The following PTPRK variants were observed in gnomAD, a reference collection of about 807,000 sequenced individuals.
The protein encoded by PTPRK is protein tyrosine phosphatase receptor type K, also known as receptor-type tyrosine-protein phosphatase kappa.
In PTPRK, 75 loss-of-function variants were observed where a neutral mutation model predicts 178.0. That is an observed-to-expected ratio of 0.42 (90% CI 0.35 to 0.51). The LOEUF (loss-of-function observed/expected upper bound fraction) is 0.51. Among genes scored for constraint, PTPRK ranks in the 20% least tolerant of loss-of-function variants. PTPRK has a pLI of 0.02. For synonymous variants in PTPRK, 637 were observed against 620.6 expected (o/e 1.03, Z -0.39); for missense variants, 1,441 against 1,797.8 (o/e 0.80, Z 3.59).
chr6:128,449,802 A>ACT (rs1847521333), intron 1 of PTPRK, among the ~76,000 whole-genome samples: 1 of 152,096 alleles, frequency 6.6e-6, no homozygotes, highest in Non-Finnish European at 1.5e-5. Context: ...CAGACAAAGA[A>ACT]CTCTATAAGC....
At chr6:128,041,130 T>C (rs1049205821) in intron 13 of PTPRK, among the ~76,000 whole-genome samples, 2 of 152,106 alleles carry the variant, frequency 1.3e-5, no homozygotes, top group Non-Finnish European at 2.9e-5. Context: ...GTAAGATCAA[T>C]AGGGGTTACA....
intron 7 of PTPRK, among the ~76,000 whole-genome samples, chr6:128,119,939 T>C (rs780134127): frequency 7.9e-5 from 12 of 151,986 alleles, no homozygotes; most frequent in Non-Finnish European, 1.3e-4. Context: ...CACAAAATAG[T>C]TCCTATCCTT....
intron 2 of PTPRK, among the ~76,000 whole-genome samples, chr6:128,385,952 G>T: frequency 6.6e-6 from 1 of 152,066 alleles, no homozygotes; most frequent in Non-Finnish European, 1.5e-5. Flanking sequence ...TAAATAATTA[G>T]TTAAATATAA....
In PTPRK at chr6:128,413,124, A is replaced by C. The variant is rs1034394362; in HGVS notation, c.101-15436T>G. ...AGTTTACTAGAACCAGCTATTTGAGAATATCTGTATTTAAGCCCGCCTACA... is the reference window on the plus strand; with the variant it reads ...AGTTTACTAGAACCAGCTATTTGAGCATATCTGTATTTAAGCCCGCCTACA... On this transcript the variant is annotated intron_variant, in intron 1 of 29. Transcript: ENST00000368226. Among the ~76,000 whole-genome samples, 9 of 152,172 alleles carry C rather than the reference A, an allele frequency of 5.9e-5. 1 individual carries two copies. Among genetic ancestry groups the C allele is most frequent in the Non-Finnish European group, 2.9e-5 (2 of 68,040 alleles).
At chr6:128,075,383 G>A (rs979839925) in intron 11 of PTPRK, among the ~76,000 whole-genome samples, 7 of 151,762 alleles carry the variant, frequency 4.6e-5, no homozygotes, top group Non-Finnish European at 1.0e-4. Context: ...TCCCTGTTTT[G>A]TCTCTCCAGC....
intron 16 of PTPRK, among the ~76,000 whole-genome samples, chr6:127,998,218 T>G (rs1222991764): frequency 2.0e-5 from 3 of 152,032 alleles, no homozygotes; most frequent in Non-Finnish European, 4.4e-5. Flanking sequence ...TGCTCTATTT[T>G]TTTTCTCAGC....
chr6:128,026,769 T>A (rs1378051504), intron 13 of PTPRK, among the ~76,000 whole-genome samples: 1 of 152,214 alleles, frequency 6.6e-6, no homozygotes, highest in Non-Finnish European at 1.5e-5. Context: ...TCCTTCTCAC[T>A]GTGATATGTA....
Position 128,272,076 on chromosome 6 carries a change from T to C in PTPRK, c.496-29474A>G, listed in dbSNP as rs149075381. 3.7e-3 allele frequency among the ~76,000 whole-genome samples: 561 copies of C among 152,184 alleles called. 3 individuals are homozygous for C. Among genetic ancestry groups the C allele is most frequent in the African/African-American group, 0.013 (531 of 41,534 alleles). On this transcript the variant is annotated intron_variant, in intron 3 of 29. Coordinates refer to ENST00000368226, the MANE Select transcript of PTPRK (RefSeq NM_002844.4). The stretch of plus-strand genomic sequence containing the variant: ...TAAAACCAATACAACCATCTGATCT[T>C]TGACAAACCTAACAAAAACAAGACA...
At chr6:128,226,761 C>T (rs12197862) in intron 5 of PTPRK, among the ~76,000 whole-genome samples, 1 of 109,538 alleles carries the variant, frequency 9.1e-6, no homozygotes, top group Non-Finnish European at 1.8e-5. Context: ...ATTATATAGA[C>T]ATATATATAT....
chr6:128,267,035 A>G (rs879816325), intron 3 of PTPRK, among the ~76,000 whole-genome samples: 5 of 152,158 alleles, frequency 3.3e-5, no homozygotes, highest in Non-Finnish European at 7.4e-5. Context: ...TTATGAAATC[A>G]CATAGCTAAT....
intron 5 of PTPRK, among the ~76,000 whole-genome samples, chr6:128,224,443 G>A (rs1810933174): frequency 6.6e-6 from 1 of 152,162 alleles, no homozygotes; most frequent in Admixed American, 6.6e-5. Context: ...AATAAAGGTT[G>A]ATTCTCCAAC....
chr6:128,100,761 G>T (rs1223012205), intron 7 of PTPRK, among the ~76,000 whole-genome samples: 1 of 151,726 alleles, frequency 6.6e-6, no homozygotes, highest in East Asian at 1.9e-4. Context: ...TTTTGAAAAG[G>T]TATTCAAAAG....
chr6:128,433,392 C>G (rs1845091082), intron 1 of PTPRK, among the ~76,000 whole-genome samples: 2 of 152,164 alleles, frequency 1.3e-5, no homozygotes, highest in African/African-American at 4.8e-5. Context: ...CTTTCTGTGC[C>G]TGGCATATTT....
intron 1 of PTPRK, among the ~76,000 whole-genome samples, chr6:128,492,391 A>G (rs1043962782): frequency 6.6e-6 from 1 of 152,218 alleles, no homozygotes; most frequent in Non-Finnish European, 1.5e-5. Flanking sequence ...TACATTGTAC[A>G]TATTTAAGCA....
At chr6:128,396,357 TATATATA>T (rs1562434877) in intron 2 of PTPRK, among the ~76,000 whole-genome samples, 2 of 148,550 alleles carry the variant, frequency 1.3e-5, no homozygotes, top group East Asian at 1.9e-4. Flanking sequence ...TATACATAAC[TATATATA>T]ATATATAATT....
chr6:128,095,168 G>A (rs1787708378), intron 7 of PTPRK, among the ~76,000 whole-genome samples: 1 of 152,130 alleles, frequency 6.6e-6, no homozygotes, highest in South Asian at 2.1e-4. Flanking sequence ...GCAGAGGTCA[G>A]TACCAGAAAC....
intron 7 of PTPRK, among the ~76,000 whole-genome samples, chr6:128,174,291 T>C (rs145091445): frequency 2.6e-5 from 4 of 152,104 alleles, no homozygotes; most frequent in Non-Finnish European, 5.9e-5. Context: ...AACATGTTTG[T>C]GGCTATCCAG....
intron 18 of PTPRK, among the ~76,000 whole-genome samples, chr6:127,993,001 C>A (rs886391621): frequency 2.6e-5 from 4 of 151,618 alleles, no homozygotes; most frequent in Non-Finnish European, 5.9e-5. Flanking sequence ...AATGTTTATG[C>A]CTTCATGTAA....
chr6:128,067,421 C>CTTT, intron 12 of PTPRK, 98 bp downstream of exon 12: 12 of 1,047,746 alleles, frequency 1.1e-5, no homozygotes, highest in South Asian at 7.2e-5. Context: ...TTTTCTTTTT[C>CTTT]TTTTTTTTTT....
Sources: gnomAD v4.1 joint callset for allele counts (sites outside exome capture counted in the v4.1 genomes callset) on GRCh38, gnomAD v4.1.1 for gene constraint, MANE v1.5 for transcripts, NCBI Gene and HGNC (gene_info 2026-07-23, HGNC 2026-07-21) for gene names.